The following CADM2 variants were observed in gnomAD, a reference collection of about 807,000 sequenced individuals.
CADM2 encodes the protein cell adhesion molecule 2.
In CADM2, 12 loss-of-function variants were observed where a neutral mutation model predicts 49.8. That is an observed-to-expected ratio of 0.24 (90% confidence interval 0.15 to 0.39). The LOEUF (loss-of-function observed/expected upper bound fraction) is 0.39, where lower values mean the gene tolerates loss of function less well. CADM2 is among the 10% of genes least tolerant of loss of function. The pLI is 1.00. For missense variants in CADM2, 378 were observed against 492.3 expected (o/e 0.77, Z 2.20); for synonymous variants, 214 against 175.4 (o/e 1.22, Z -1.74).
intron 7 of CADM2, among the ~76,000 whole-genome samples, chr3:85,942,263 G>A (rs930934493): frequency 1.3e-5 from 2 of 151,824 alleles, no homozygotes; most frequent in African/African-American, 4.8e-5. Context: ...GCTCCTGAAG[G>A]AAGCACTAAA....
intron 2 of CADM2, among the ~76,000 whole-genome samples, chr3:85,743,516 T>C (rs2068478886): frequency 1.3e-5 from 2 of 152,314 alleles, no homozygotes; most frequent in South Asian, 2.1e-4. Context: ...ACAAACACTT[T>C]GTATAGAACT....
intron 1 of CADM2, among the ~76,000 whole-genome samples, chr3:85,107,504 G>A (rs749386192): frequency 1.1e-4 from 16 of 152,078 alleles, no homozygotes; most frequent in Non-Finnish European, 1.6e-4. Flanking sequence ...CTTAAGCATT[G>A]CTGATAGGAT....
intron 1 of CADM2, among the ~76,000 whole-genome samples, chr3:85,129,592 A>G (rs528287062): frequency 1.3e-5 from 2 of 152,302 alleles, no homozygotes; most frequent in East Asian, 1.9e-4. Context: ...TCTTCATACA[A>G]GTGTTTCTTA....
rs1391298241 is a variant in CADM2 at position 85,321,147 on chromosome 3, T to A, written c.61+361479T>A. Among the ~76,000 whole-genome samples the A allele has an allele frequency of 8.2e-4, 40 of 49,002 alleles. 1 individual carries two copies. Among genetic ancestry groups the A allele is most frequent in the East Asian group, 4.1e-3 (6 of 1,448 alleles). 32.1% of individuals were successfully genotyped at this position (49,002 alleles called of 152,430 possible). A position where few individuals can be genotyped will look rare whatever the true frequency, so the allele number is the denominator to read the frequency against. On this transcript the variant is annotated intron_variant, in intron 1 of 9. Coordinates refer to ENST00000383699, the MANE Select transcript of CADM2 (RefSeq NM_001167675.2). ...TTTTTTTTTTTTTTTTTTTTTTTTT[T>A]TTTTTTTTTTTTTTTTTTTGCGAGA...
chr3:85,095,743 A>G (rs1199096528), intron 1 of CADM2, among the ~76,000 whole-genome samples: 2 of 152,200 alleles, frequency 1.3e-5, no homozygotes, highest in Non-Finnish European at 1.5e-5. Flanking sequence ...TTAGTTTTCC[A>G]TAATTATTCC....
intron 1 of CADM2, among the ~76,000 whole-genome samples, chr3:84,966,649 G>A (rs892927793): frequency 2.0e-5 from 3 of 151,976 alleles, no homozygotes; most frequent in Non-Finnish European, 1.5e-5. Flanking sequence ...AATAGATACA[G>A]AGCTAAGTTA....
intron 3 of CADM2, among the ~76,000 whole-genome samples, chr3:85,864,124 T>A (rs1319170262): frequency 6.6e-6 from 1 of 152,190 alleles, no homozygotes; most frequent in Non-Finnish European, 1.5e-5. Context: ...ACCAGTTCCT[T>A]TTTCTTCCAA....
At chr3:85,220,772 G>A (rs552952765) in intron 1 of CADM2, among the ~76,000 whole-genome samples, 1 of 151,740 alleles carries the variant, frequency 6.6e-6, no homozygotes, top group African/African-American at 2.4e-5. Flanking sequence ...CAGGGTTACT[G>A]AGAAGTTCCA....
At chr3:85,366,875 A>G (rs182287317) in intron 1 of CADM2, among the ~76,000 whole-genome samples, 1 of 152,064 alleles carries the variant, frequency 6.6e-6, no homozygotes, top group African/African-American at 2.4e-5. Flanking sequence ...ATAATGATAG[A>G]GGTATGAAGA....
At chr3:85,603,994 A>G (rs1453540216) in intron 1 of CADM2, among the ~76,000 whole-genome samples, 1 of 151,896 alleles carries the variant, frequency 6.6e-6, no homozygotes, top group Non-Finnish European at 1.5e-5. Context: ...TTCCTAAACC[A>G]TTTCCATATA....
intron 1 of CADM2, among the ~76,000 whole-genome samples, chr3:85,663,835 T>C (rs1286715497): frequency 1.3e-5 from 2 of 152,056 alleles, no homozygotes; most frequent in African/African-American, 4.8e-5. Flanking sequence ...AAGAGTGGTT[T>C]ATGCTATCTG....
chr3:85,919,683 A>G (rs1168696646), intron 6 of CADM2, among the ~76,000 whole-genome samples: 5 of 151,820 alleles, frequency 3.3e-5, no homozygotes, highest in Admixed American at 6.6e-5. Context: ...AAATGTATCA[A>G]ACTATTTCTG....
intron 1 of CADM2, among the ~76,000 whole-genome samples, chr3:85,154,483 G>A (rs1049857590): frequency 2.4e-4 from 36 of 152,106 alleles, no homozygotes; most frequent in African/African-American, 7.2e-4. Flanking sequence ...TGAAAGTGAC[G>A]GGGAGAATGG....
rs762148364 is a variant in CADM2 at position 85,886,293 on chromosome 3, T to C, written c.495T>C (p.Asp165=). The part of the protein sequence containing the change: ...CKTSGSKPAA[D]IRWFKNDKEI... ...CATCTGGTAGTAAACCTGCAGCTGA[T>C]ATAAGATGGTTCAAAAATGACAAAG... The change falls in exon 5 of 10, where the codon GAT becomes GAC. Residue 165 remains aspartate (D), a synonymous_variant. Coordinates refer to ENST00000383699, the MANE Select transcript of CADM2 (RefSeq NM_001167675.2). 12 of 1,613,650 alleles carry C rather than the reference T, an allele frequency of 7.4e-6. No individual in the cohort carries two copies. The East Asian group carries it at 2.2e-4, about 30-fold the overall frequency.
At chr3:85,542,379 T>A (rs952323716) in intron 1 of CADM2, among the ~76,000 whole-genome samples, 2 of 152,214 alleles carry the variant, frequency 1.3e-5, no homozygotes. Flanking sequence ...CTAGACATCA[T>A]GCTAGATACT....
chr3:85,226,537 T>C (rs59820667), intron 1 of CADM2, among the ~76,000 whole-genome samples: 511 of 152,146 alleles, frequency 3.4e-3, no homozygotes, highest in African/African-American at 0.012. Context: ...GTCTGGCTAG[T>C]GGTCTATTTT....
In CADM2 at chr3:85,318,848, A is replaced by G. The variant is rs550961112; in HGVS notation, c.61+359180A>G. On this transcript the variant is annotated intron_variant, in intron 1 of 9. Transcript: ENST00000383699. ...GTAAGTTTCCATTAAAATATCCAAT[A>G]TTACGTTCCTTTTCTAATAATGTGA... Among the ~76,000 whole-genome samples the G allele has an allele frequency of 2.6e-5, 4 of 152,126 alleles. No individual in the cohort carries two copies. In the South Asian group the frequency reaches 8.3e-4, roughly 32 times the overall value.
intron 5 of CADM2, among the ~76,000 whole-genome samples, chr3:85,908,255 T>TTTC (rs551333306): frequency 0.11 from 10,069 of 91,878 alleles, 613 homozygotes; most frequent in East Asian, 0.27. Flanking sequence ...TTTTTTCTTC[T>TTTC]TTTTTTTTTT....
At chr3:85,911,918 T>A (rs1208392442) in intron 5 of CADM2, among the ~76,000 whole-genome samples, 1 of 147,912 alleles carries the variant, frequency 6.8e-6, no homozygotes, top group East Asian at 2.0e-4. Context: ...TTAGAATTTT[T>A]TAATTTTTTT....
Sources: gnomAD v4.1 joint callset for allele counts (sites outside exome capture counted in the v4.1 genomes callset) on GRCh38, gnomAD v4.1.1 for gene constraint, MANE v1.5 for transcripts, NCBI Gene and HGNC (gene_info 2026-07-23, HGNC 2026-07-21) for gene names.